The following TENM3 variants were observed in gnomAD, a reference collection of about 807,000 sequenced individuals.
TENM3 encodes teneurin transmembrane protein 3.
In TENM3, 63 loss-of-function variants were observed where a neutral mutation model predicts 255.1. The observed-to-expected ratio is 0.25, with a 90% CI of 0.20 to 0.30. TENM3 has a LOEUF of 0.30. TENM3 is among the 10% of genes least tolerant of loss of function. The pLI is 1.00. For synonymous variants in TENM3, 1,306 were observed against 1,322.3 expected (o/e 0.99, Z 0.27); for missense variants, 2,929 against 3,461.1 (o/e 0.85, Z 3.86).
At chr4:181,670,532 C>T in the TENM3 span, among the ~76,000 whole-genome samples, 4 of 152,058 alleles carry the variant, frequency 2.6e-5, no homozygotes, top group African/African-American at 9.7e-5. Flanking sequence ...GAAATTCACC[C>T]ATATATGTGA....
chr4:182,476,162 T>C (rs1733665981), intron 3 of TENM3, among the ~76,000 whole-genome samples: 1 of 152,194 alleles, frequency 6.6e-6, no homozygotes, highest in Non-Finnish European at 1.5e-5. Flanking sequence ...ATCTAATAGC[T>C]GAAACTCCCC....
intron 3 of TENM3, among the ~76,000 whole-genome samples, chr4:182,471,334 A>AT (rs1733102454): frequency 6.6e-6 from 1 of 152,198 alleles, no homozygotes; most frequent in Admixed American, 6.5e-5. Flanking sequence ...AGTCTAAGAA[A>AT]ATCTCATTGT....
At chr4:182,084,749 G>A in the TENM3 span, 2 of 152,134 alleles carry the variant, frequency 1.3e-5, no homozygotes, top group Non-Finnish European at 1.5e-5. Flanking sequence ...AATTTCTTCA[G>A]TTGACCATGA....
chr4:181,563,531 G>A, the TENM3 span, among the ~76,000 whole-genome samples: 3 of 152,324 alleles, frequency 2.0e-5, no homozygotes, highest in East Asian at 1.9e-4. Context: ...GAAGAGAGGA[G>A]TAATTCAACC....
rs759229195 is a variant in TENM3, at chr4:182,800,191, C to T, written c.7940C>T (p.Ala2647Val). The T allele has an allele frequency of 1.9e-6, 3 of 1,567,286 alleles. No individual in the cohort carries two copies. The highest frequency in any genetic ancestry group is 1.4e-5 in the African/African-American group (1 of 73,050). ...CGCGTGCGCGACGGCGAGGAGGGCG[C>T]GCGCCTCTGGACGGAGGGCGAGAAG... Reference protein sequence around the residue: ...QQRVRDGEEGARLWTEGEKRQ... With the variant: ...QQRVRDGEEGVRLWTEGEKRQ... The change falls in exon 28 of 28, where the codon GCG becomes GTG. Residue 2647 changes from alanine to valine, a missense_variant. Ala to Val is a moderately conservative substitution (Grantham distance 64). Around this residue, in one of 6 missense-constraint regions of TENM3, gnomAD observed 476 missense variants for 480.1 expected, o/e 0.99. Transcript: ENST00000511685.
chr4:181,537,003 A>G, the TENM3 span, among the ~76,000 whole-genome samples: 1 of 152,224 alleles, frequency 6.6e-6, no homozygotes, highest in Non-Finnish European at 1.5e-5. Flanking sequence ...TGGTAATGAT[A>G]AAGTAAGACT....
the TENM3 span, among the ~76,000 whole-genome samples, chr4:181,876,281 ATTACT>A: frequency 6.6e-6 from 1 of 152,188 alleles, no homozygotes; most frequent in Non-Finnish European, 1.5e-5. Context: ...TTGGCAATTT[ATTACT>A]TTTATGTTTT....
At chr4:182,668,356 G>GA (rs1754900733) in intron 6 of TENM3, among the ~76,000 whole-genome samples, 1 of 152,104 alleles carries the variant, frequency 6.6e-6, no homozygotes, top group African/African-American at 2.4e-5. Context: ...TCTATTAATA[G>GA]AAATTAATCT....
chr4:182,438,078 A>G (rs1772176844), intron 3 of TENM3, among the ~76,000 whole-genome samples: 1 of 152,202 alleles, frequency 6.6e-6, no homozygotes. Context: ...TTTAGAGGGA[A>G]AAAATGAGAC....
the TENM3 span, among the ~76,000 whole-genome samples, chr4:182,098,180 A>G: frequency 1.3e-5 from 2 of 152,234 alleles, no homozygotes; most frequent in South Asian, 4.1e-4. Flanking sequence ...AAGACGAATA[A>G]TAACAGATGC....
chr4:181,603,633 T>C, the TENM3 span, among the ~76,000 whole-genome samples: 1 of 152,162 alleles, frequency 6.6e-6, no homozygotes, highest in Admixed American at 6.5e-5. Context: ...TAATGAAATA[T>C]TAAAGTGCTT....
chr4:181,997,298 G>A, the TENM3 span, among the ~76,000 whole-genome samples: 4 of 152,234 alleles, frequency 2.6e-5, no homozygotes, highest in Admixed American at 1.3e-4. Flanking sequence ...TCCTCAGTAC[G>A]TAAGCCTGAG....
chr4:181,909,109 G>A, the TENM3 span, among the ~76,000 whole-genome samples: 4 of 151,866 alleles, frequency 2.6e-5, no homozygotes, highest in Admixed American at 6.6e-5. Flanking sequence ...AATTTCTCTC[G>A]ACTATTTTAA....
intron 1 of TENM3, among the ~76,000 whole-genome samples, chr4:182,186,895 G>C (rs976541702): frequency 1.4e-5 from 2 of 146,648 alleles, no homozygotes; most frequent in African/African-American, 2.5e-5. Context: ...GTGTGAGGGT[G>C]GAGGTAGGAG....
chr4:181,913,438 C>G, the TENM3 span, among the ~76,000 whole-genome samples: 1 of 152,092 alleles, frequency 6.6e-6, no homozygotes, highest in African/African-American at 2.4e-5. Flanking sequence ...GAGAGCACAC[C>G]GGACAAGGGA....
chr4:181,548,607 GC>G, the TENM3 span, among the ~76,000 whole-genome samples: 1 of 152,182 alleles, frequency 6.6e-6, no homozygotes, highest in African/African-American at 2.4e-5. Flanking sequence ...TCCTCAGGAA[GC>G]TTTTTGATGA....
At chr4:182,237,375 C>CTTTTTTTT (rs57257112) in intron 1 of TENM3, among the ~76,000 whole-genome samples, 29,495 of 147,606 alleles carry the variant, frequency 0.2, 3,353 homozygotes, top group African/African-American at 0.29. Flanking sequence ...ATTCTGTTTT[C>CTTTTTTTT]TTTTTTTTGA....
chr4:181,830,246 T>C, the TENM3 span, among the ~76,000 whole-genome samples: 1 of 152,144 alleles, frequency 6.6e-6, no homozygotes, highest in African/African-American at 2.4e-5. Flanking sequence ...TCCTGCTTGC[T>C]GCTGCTGCTT....
the TENM3 span, among the ~76,000 whole-genome samples, chr4:181,596,109 G>C: frequency 6.6e-6 from 1 of 152,164 alleles, no homozygotes; most frequent in Admixed American, 6.5e-5. Context: ...ACGCAGAACA[G>C]TTCCTGACAC....
Sources: gnomAD v4.1 joint callset for allele counts (sites outside exome capture counted in the v4.1 genomes callset) on GRCh38, gnomAD v4.1.1 for gene constraint, gnomAD v4.1.1 regional missense constraint, MANE v1.5 for transcripts, NCBI Gene and HGNC (gene_info 2026-07-23, HGNC 2026-07-21) for gene names.